The following GRM1 variants were observed in gnomAD, a reference collection of about 807,000 sequenced individuals.
GRM1 encodes the protein glutamate metabotropic receptor 1.
GRM1 carries 33 observed loss-of-function variants against 90.9 expected under a neutral mutation model. That is an observed-to-expected ratio of 0.36 (90% CI 0.28 to 0.49). The LOEUF (loss-of-function observed/expected upper bound fraction) is 0.49. Ranked by LOEUF, GRM1 falls within the 20% of genes least tolerant of loss-of-function variation. GRM1 has a pLI of 0.99. For synonymous variants in GRM1, 700 were observed against 613.2 expected, an observed-to-expected ratio of 1.14 and a Z score of -2.09; for missense variants, 1,190 against 1,534.3, an observed-to-expected ratio of 0.78 and a Z score of 3.75.
intron 5 of GRM1, among the ~76,000 whole-genome samples, chr6:146,374,994 A>G (rs372906129): frequency 6.6e-6 from 1 of 151,908 alleles, no homozygotes; most frequent in Admixed American, 6.6e-5. Context: ...TTTTTGATGT[A>G]GGCACTTACA....
chr6:146,059,928 C>T (rs1236564316), intron 1 of GRM1, among the ~76,000 whole-genome samples: 1 of 152,170 alleles, frequency 6.6e-6, no homozygotes, highest in Non-Finnish European at 1.5e-5. Flanking sequence ...TTAGGCTTGG[C>T]TTAAGGGAAT....
chr6:146,159,858 T>C (rs1285143344), intron 2 of GRM1: 1 of 438,432 alleles, frequency 2.3e-6, no homozygotes, highest in East Asian at 4.4e-5. Context: ...GAGGTTACAG[T>C]GAGCTATGAT....
intron 4 of GRM1, 59 bp from the exon 5 acceptor site, chr6:146,357,463 ACTTT>A: frequency 7.4e-7 from 1 of 1,348,580 alleles, no homozygotes; most frequent in South Asian, 1.2e-5. Context: ...CTACTTACCA[ACTTT>A]CTTTGTTTTC....
At chr6:146,092,076 C>T (rs920064892) in intron 1 of GRM1, among the ~76,000 whole-genome samples, 5 of 152,062 alleles carry the variant, frequency 3.3e-5, no homozygotes, top group African/African-American at 7.2e-5. Context: ...GCTGCTATTA[C>T]AAAAATACCG....
intron 6 of GRM1, among the ~76,000 whole-genome samples, chr6:146,387,709 T>C (rs1489485862): frequency 6.6e-6 from 1 of 152,072 alleles, no homozygotes; most frequent in Non-Finnish European, 1.5e-5. Context: ...GTAGGGACAA[T>C]GGTCCAGTAG....
intron 7 of GRM1, among the ~76,000 whole-genome samples, chr6:146,407,753 A>G (rs1777400802): frequency 6.6e-6 from 1 of 152,128 alleles, no homozygotes; most frequent in African/African-American, 2.4e-5. Context: ...AAAATCACTT[A>G]TTTTTATCAT....
At chr6:146,135,460 A>G (rs1329916653) in intron 1 of GRM1, among the ~76,000 whole-genome samples, 2 of 152,216 alleles carry the variant, frequency 1.3e-5, no homozygotes, top group African/African-American at 2.4e-5. Flanking sequence ...CTTTCCTACC[A>G]TGATGCAGAA....
At chr6:146,049,963 C>A (rs1390014070) in intron 1 of GRM1, among the ~76,000 whole-genome samples, 1 of 151,938 alleles carries the variant, frequency 6.6e-6, no homozygotes, top group Non-Finnish European at 1.5e-5. Context: ...CCCAGTCAGT[C>A]TCATTCCAAA....
At chr6:146,260,808 T>G (rs1391528355) in intron 2 of GRM1, among the ~76,000 whole-genome samples, 1 of 89,738 alleles carries the variant, frequency 1.1e-5, no homozygotes, top group South Asian at 3.0e-4. Flanking sequence ...ATTTGGGTTT[T>G]TTTTTTTTTT....
chr6:146,140,192 A>T (rs1427902459), intron 1 of GRM1, among the ~76,000 whole-genome samples: 1 of 80,700 alleles, frequency 1.2e-5, no homozygotes, highest in Non-Finnish European at 2.4e-5. Flanking sequence ...TCCTGTCTAC[A>T]TTTTAGTGAA....
chr6:146,073,268 G>A (rs1776074645), intron 1 of GRM1, among the ~76,000 whole-genome samples: 1 of 152,124 alleles, frequency 6.6e-6, no homozygotes, highest in African/African-American at 2.4e-5. Context: ...TGTTGTCTTT[G>A]TTGGCTAGAA....
chr6:146,312,559 T>C (rs1783815048), intron 3 of GRM1, among the ~76,000 whole-genome samples: 1 of 152,096 alleles, frequency 6.6e-6, no homozygotes, highest in South Asian at 2.1e-4. Context: ...AAATAACCAT[T>C]TTAATGTCAT....
intron 1 of GRM1, among the ~76,000 whole-genome samples, chr6:146,137,377 A>C (rs1051275855): frequency 1.3e-5 from 2 of 152,210 alleles, no homozygotes; most frequent in Non-Finnish European, 2.9e-5. Context: ...ATTCTTCTGC[A>C]TATGGATACC....
At chr6:146,247,927 T>G (rs1475377265) in intron 2 of GRM1, among the ~76,000 whole-genome samples, 1 of 150,312 alleles carries the variant, frequency 6.7e-6, no homozygotes, top group Non-Finnish European at 1.5e-5. Context: ...AATATATACA[T>G]ATATGATAAA....
intron 2 of GRM1, among the ~76,000 whole-genome samples, chr6:146,266,637 T>C (rs1781897379): frequency 6.6e-6 from 1 of 152,240 alleles, no homozygotes. Context: ...AAGAACCCTA[T>C]AAATTCTTAT....
At chr6:146,276,128 C>T (rs1782352627) in intron 2 of GRM1, among the ~76,000 whole-genome samples, 1 of 152,118 alleles carries the variant, frequency 6.6e-6, no homozygotes, top group Non-Finnish European at 1.5e-5. Flanking sequence ...TTAAGTAACA[C>T]AGTCATGTTA....
intron 7 of GRM1, among the ~76,000 whole-genome samples, chr6:146,405,456 G>A (rs1239398355): frequency 3.9e-5 from 6 of 152,172 alleles, no homozygotes; most frequent in Admixed American, 6.5e-5. Context: ...GTATTAATGC[G>A]CTCAGGTTGT....
intron 1 of GRM1, among the ~76,000 whole-genome samples, chr6:146,140,090 A>ATTCATTCTTTCTTTCTTTCT (rs1554272173): frequency 1.7e-5 from 1 of 57,838 alleles, no homozygotes; most frequent in Non-Finnish European, 3.1e-5. Context: ...TTCTTTCTTT[A>ATTCATTCTTTCTTTCTTTCT]TTCTTTCTTT....
At chr6:146,304,996 A>T in intron 3 of GRM1, 150 bp downstream of exon 3, 1 of 698,030 alleles carries the variant, frequency 1.4e-6, no homozygotes, top group African/African-American at 1.8e-5. Flanking sequence ...AATAAGGAGG[A>T]ATTGTGTATT....
Sources: allele counts gnomAD v4.1 joint callset (sites outside exome capture counted in the v4.1 genomes callset), GRCh38; gene constraint gnomAD v4.1.1; transcripts MANE v1.5; gene names NCBI Gene and HGNC (gene_info 2026-07-23, HGNC 2026-07-21).